GDAP1: variants seen among roughly 807,000 people sequenced by gnomAD.
The protein encoded by GDAP1 is ganglioside-induced differentiation-associated protein 1.
In GDAP1, 34 loss-of-function variants were observed where a neutral mutation model predicts 40.1. That is an observed-to-expected ratio of 0.85 (90% CI 0.64 to 1.13). The LOEUF (loss-of-function observed/expected upper bound fraction) is 1.13. Ranked by LOEUF, GDAP1 falls within the 50% of genes most tolerant of loss-of-function variation. The pLI is 0.00. For synonymous variants in GDAP1, 170 were observed against 157.4 expected (o/e 1.08, Z -0.60); for missense variants, 374 against 433.7 (o/e 0.86, Z 1.22).
chr8:74,469,045 G>T (rs902742791), intron 2 of GDAP1, among the ~76,000 whole-genome samples: 3 of 152,060 alleles, frequency 2.0e-5, no homozygotes, highest in Admixed American at 6.5e-5. Flanking sequence ...TCAGATATAT[G>T]CATATGATGA....
chr8:74,366,906 C>T (rs1809663298), downstream of GDAP1: 1 of 387,050 alleles, frequency 2.6e-6, no homozygotes, highest in Admixed American at 3.6e-5. Context: ...TTTTGGAAAA[C>T]AGATATATTT....
Position 74,365,550 on chromosome 8 carries a change from G to A in GDAP1, c.*1183G>A, listed in dbSNP as rs756257305. ...AGTTTCCCTGGAGCTGGCCATGAAG[G>A]CCTTAGAAGCCATTTCTGGTGTCTG... On this transcript the variant is annotated 3_prime_UTR_variant, in exon 6 of 6. Coordinates refer to ENST00000220822, the MANE Select transcript of GDAP1 (RefSeq NM_018972.4). 9.0e-5 allele frequency: 41 copies of A among 454,302 alleles called. No homozygotes were observed. Among genetic ancestry groups the A allele is most frequent in the Non-Finnish European group, 2.2e-5 (5 of 226,786 alleles). 28.1% of individuals were successfully genotyped at this position (454,302 alleles called of 1,614,324 possible).
intron 2 of GDAP1, among the ~76,000 whole-genome samples, chr8:74,420,278 A>T (rs1377563118): frequency 6.6e-6 from 1 of 152,112 alleles, no homozygotes; most frequent in African/African-American, 2.4e-5. Context: ...TTTTATGCTC[A>T]GGCCCTGGTT....
At chr8:74,429,740 T>TG (rs1806002715) in intron 2 of GDAP1, among the ~76,000 whole-genome samples, 1 of 152,180 alleles carries the variant, frequency 6.6e-6, no homozygotes, top group Admixed American at 6.5e-5. Flanking sequence ...TTTGAAGTAC[T>TG]GGGGGTGTGG....
At position 74,365,372 on chromosome 8, in the gene GDAP1, G is replaced by C. The variant is rs1282537661; in HGVS notation, c.*1005G>C. 2.2e-6 allele frequency: 1 copy of C among 453,832 alleles called. No individual in the cohort carries two copies. Among genetic ancestry groups the C allele is most frequent in the African/African-American group, 2.0e-5 (1 of 49,944 alleles). The allele number at this position is 453,832 out of a possible 1,614,324, so 28.1% of individuals were successfully genotyped here. A position where few individuals can be genotyped will look rare whatever the true frequency, so the allele number is the denominator to read the frequency against. ...ATGAATTAAATGGGTAGATAGTGAT[G>C]CATACCTGTATTCACTGATGTATGT... On this transcript the variant is annotated 3_prime_UTR_variant, in exon 6 of 6. Transcript: ENST00000220822.
At chr8:74,462,909 G>T (rs982776136) in intron 2 of GDAP1, among the ~76,000 whole-genome samples, 10 of 150,992 alleles carry the variant, frequency 6.6e-5, no homozygotes, top group Admixed American at 4.0e-4. Context: ...AAAACCTGAT[G>T]AATTGTTTCA....
chr8:74,441,345 A>AT (rs1806160159), intron 2 of GDAP1, among the ~76,000 whole-genome samples: 1 of 152,186 alleles, frequency 6.6e-6, no homozygotes, highest in East Asian at 1.9e-4. Flanking sequence ...TCATTTAAAA[A>AT]GGGTGTACCA....
chr8:74,475,475 A>G (rs1053147345), intron 2 of GDAP1, among the ~76,000 whole-genome samples: 1 of 152,090 alleles, frequency 6.6e-6, no homozygotes, highest in Non-Finnish European at 1.5e-5. Flanking sequence ...AGATTTTGGT[A>G]TATTGTATCT....
At chr8:74,428,945 A>G (rs1472062484) in intron 2 of GDAP1, among the ~76,000 whole-genome samples, 1 of 133,672 alleles carries the variant, frequency 7.5e-6, no homozygotes, top group African/African-American at 2.9e-5. Flanking sequence ...ATTCCCACCT[A>G]TGAGTGAGAA....
chr8:74,439,977 A>T (rs373715932), intron 2 of GDAP1, among the ~76,000 whole-genome samples: 1 of 152,088 alleles, frequency 6.6e-6, no homozygotes, highest in Non-Finnish European at 1.5e-5. Context: ...TTATTTTTAT[A>T]TATCTACTTT....
intron 2 of GDAP1, among the ~76,000 whole-genome samples, chr8:74,405,991 C>T (rs1357841077): frequency 6.7e-6 from 1 of 149,814 alleles, no homozygotes; most frequent in Non-Finnish European, 1.5e-5. Context: ...GGAGATTTTC[C>T]AAGGAGTCAA....
rs1194262501 is a variant in GDAP1 at position 74,426,093 on chromosome 8, C to CCT, written c.166-62585_166-62584insCT. Among the ~76,000 whole-genome samples, 23 of 152,334 alleles carry CCT rather than the reference C, an allele frequency of 1.5e-4. No individual in the cohort carries two copies. In the East Asian group the frequency reaches 3.3e-3, roughly 22 times the overall value. On this transcript the variant is annotated intron_variant, in intron 2 of 2. Transcript: ENST00000523640. ...TGAATATTGCATATAGGCATGCATG[C>CCT]ATGTGCACACACACATAACTTAGTT...
At chr8:74,358,672 A>G (rs1028450634) in intron 2 of GDAP1, among the ~76,000 whole-genome samples, 8 of 152,200 alleles carry the variant, frequency 5.3e-5, no homozygotes, top group Non-Finnish European at 1.2e-4. Flanking sequence ...TTAACGTCTT[A>G]GTATTTCTAT....
rs900967291 is a variant in GDAP1, at chr8:74,404,478, T to C, written c.165+53157T>C. Among the ~76,000 whole-genome samples, 19 of 149,586 alleles carry C rather than the reference T, an allele frequency of 1.3e-4. 1 individual carries two copies. The highest frequency in any genetic ancestry group is 4.4e-4 in the African/African-American group (17 of 39,072). On this transcript the variant is annotated intron_variant, in intron 2 of 2. Coordinates refer to the GDAP1 transcript ENST00000523640. ...TTATATAAATATATTTAATATAAGT[T>C]ATTAAGTTATTCTCATTTTAAGAAG... is the stretch of plus-strand genomic sequence containing the variant.
rs140176631 is a variant in GDAP1, at chr8:74,398,292, G to T, written c.165+46971G>T. On this transcript the variant is annotated intron_variant, in intron 2 of 2. Transcript: ENST00000523640. ...ATCTGAGACTAGGATTGCAACCCCT[G>T]CCTTTGTTTTGTTTTCGTTTGCTTG... 4.7e-3 allele frequency among the ~76,000 whole-genome samples: 708 copies of T among 152,212 alleles called. 7 individuals are homozygous for T. Among genetic ancestry groups the T allele is most frequent in the African/African-American group, 0.016 (650 of 41,532 alleles).
At chr8:74,389,014 T>A (rs953410927) in intron 2 of GDAP1, among the ~76,000 whole-genome samples, 1 of 152,178 alleles carries the variant, frequency 6.6e-6, no homozygotes, top group African/African-American at 2.4e-5. Flanking sequence ...CTGCTGTTTT[T>A]TGCTTTCCAT....
intron 3 of GDAP1, 48 bp downstream of exon 3, chr8:74,360,358 T>C (rs1167121782): frequency 1.3e-6 from 2 of 1,494,200 alleles, no homozygotes; most frequent in Admixed American, 1.7e-5. Context: ...CACTTTCTTT[T>C]AATTCATTTT....
intron 2 of GDAP1, among the ~76,000 whole-genome samples, chr8:74,476,416 A>G (rs1489652711): frequency 1.3e-5 from 2 of 152,132 alleles, no homozygotes; most frequent in South Asian, 2.1e-4. Context: ...GCAGTGGCCA[A>G]TAATGGTCTT....
chr8:74,424,417 C>T, intron 2 of GDAP1, among the ~76,000 whole-genome samples: 1 of 152,062 alleles, frequency 6.6e-6, no homozygotes, highest in Non-Finnish European at 1.5e-5. Context: ...CTTCATTTAG[C>T]CTCCAAGATT....
Sources: allele counts gnomAD v4.1 joint callset (sites outside exome capture counted in the v4.1 genomes callset), GRCh38; gene constraint gnomAD v4.1.1; transcripts MANE v1.5; gene names NCBI Gene and HGNC (gene_info 2026-07-23, HGNC 2026-07-21).